CDC7: variants seen among roughly 807,000 people sequenced by gnomAD.
CDC7 encodes the protein cell division cycle 7, also known as cell division cycle 7-related protein kinase.
A neutral mutation model predicts 53.5 loss-of-function variants in CDC7; 34 were observed. The ratio of observed to expected loss-of-function variants is 0.64; its 90% confidence interval spans 0.48 to 0.85. The LOEUF (loss-of-function observed/expected upper bound fraction) is 0.85, where lower values mean the gene tolerates loss of function less well. CDC7 is among the 40% of genes least tolerant of loss of function. The pLI is 0.00. For synonymous variants in CDC7, 211 were observed against 222.8 expected (o/e 0.95, Z 0.47); for missense variants, 594 against 679.7 (o/e 0.87, Z 1.40).
chr1:91,515,217 T>C (rs563507757), intron 9 of CDC7, among the ~76,000 whole-genome samples: 5 of 152,372 alleles, frequency 3.3e-5, no homozygotes, highest in East Asian at 3.9e-4. Flanking sequence ...TTTGCTCTTA[T>C]ATGCAAATAA....
chr1:91,516,020 A>G, intron 10 of CDC7, 144 bp downstream of exon 10: 1 of 639,700 alleles, frequency 1.6e-6, no homozygotes, highest in Non-Finnish European at 2.6e-6. Context: ...TGGCATTCCT[A>G]TTTTTGAGCT....
chr1:91,513,334 C>T, intron 7 of CDC7, 27 bp downstream of exon 7: 1 of 1,592,266 alleles, frequency 6.3e-7, no homozygotes, highest in Non-Finnish European at 8.6e-7. Context: ...TTCTTAAGTA[C>T]CGACACTGTT....
chr1:91,501,409 C>A, intron 1 of CDC7: 1 of 301,164 alleles, frequency 3.3e-6, no homozygotes, highest in Non-Finnish European at 6.2e-6. Context: ...CGCCGTTTCC[C>A]ACTGCGCCTG....
At chr1:91,519,256 CAAAAAAA>C (rs71087957) in intron 10 of CDC7, among the ~76,000 whole-genome samples, 3 of 60,172 alleles carry the variant, frequency 5.0e-5, no homozygotes, top group African/African-American at 1.0e-4. Flanking sequence ...ACTAAAAATA[CAAAAAAA>C]AAAAAAAAAA....
rs546865871 is a variant in CDC7 at position 91,514,129 on chromosome 1, CAG to C, written c.918+88_918+89del. The C allele has an allele frequency of 7.6e-5, 63 of 825,396 alleles. No homozygotes were observed. In the African/African-American group the frequency reaches 9.5e-4, roughly 12 times the overall value. The allele number at this position is 825,396 out of a possible 1,614,324, so 51.1% of individuals were successfully genotyped here. On this transcript the variant is annotated intron_variant, in intron 8 of 11. Coordinates refer to ENST00000234626, the MANE Select transcript of CDC7 (RefSeq NM_003503.4). ...TAATAACTAGATTAACATTTATTAT[CAG>C]AAATTTTTTTAAACTAGAGTTTGGC...
intron 1 of CDC7, 117 bp downstream of exon 1, chr1:91,501,065 C>T (rs1666634902): frequency 6.6e-6 from 1 of 152,256 alleles, no homozygotes; most frequent in South Asian, 2.1e-4. Context: ...CCTTCGGATC[C>T]CTCCGACCTG....
At position 91,507,954 on chromosome 1, in the gene CDC7, C is replaced by A; in HGVS notation, c.199+17C>A. ...TTGGAGAAGGTAATCTGGGGATATGCTTTTACTATTTTTACGAGGTCTTTT... is the reference window on the plus strand; with the variant it reads ...TTGGAGAAGGTAATCTGGGGATATGATTTTACTATTTTTACGAGGTCTTTT... On this transcript the variant is annotated intron_variant, in intron 3 of 11. Coordinates refer to ENST00000234626, the MANE Select transcript of CDC7 (RefSeq NM_003503.4). 6.5e-7 allele frequency: 1 copy of A among 1,542,378 alleles called. No individual in the cohort carries two copies. The highest frequency in any genetic ancestry group is 8.7e-7 in the Non-Finnish European group (1 of 1,146,794).
At chr1:91,511,294 A>G (rs957969819) in intron 4 of CDC7, among the ~76,000 whole-genome samples, 4 of 152,090 alleles carry the variant, frequency 2.6e-5, no homozygotes, top group African/African-American at 4.8e-5. Context: ...TACTGTTACC[A>G]TCTTATCTGC....
chr1:91,503,702 GAAGTA>G (rs917915978), intron 2 of CDC7, among the ~76,000 whole-genome samples: 6 of 152,094 alleles, frequency 3.9e-5, no homozygotes, highest in African/African-American at 1.4e-4. Context: ...TGAAATTTTT[GAAGTA>G]AAGAAAGCCA....
chr1:91,521,079 G>C (rs980569555), intron 11 of CDC7, among the ~76,000 whole-genome samples: 8 of 152,172 alleles, frequency 5.3e-5, no homozygotes, highest in African/African-American at 1.9e-4. Context: ...ATACAATACA[G>C]AACACCTCAG....
At position 91,524,530 on chromosome 1, in the gene CDC7, A is replaced by T. The variant is rs1668161607; in HGVS notation, c.*95A>T. 1.1e-6 allele frequency: 1 copy of T among 924,442 alleles called. No individual in the cohort carries two copies. Among genetic ancestry groups the T allele is most frequent in the Admixed American group, 2.5e-5 (1 of 40,536 alleles). 57.3% of individuals were successfully genotyped at this position (924,442 alleles called of 1,614,324 possible). A position where few individuals can be genotyped will look rare whatever the true frequency, so the allele number is the denominator to read the frequency against. The stretch of plus-strand genomic sequence containing the variant: ...GTTCTTGTTTAGAGACCAGAGCAGG[A>T]TTAATAATTTATTTTAACATTTTAG... On this transcript the variant is annotated 3_prime_UTR_variant, in exon 12 of 12. Coordinates refer to ENST00000234626, the MANE Select transcript of CDC7 (RefSeq NM_003503.4).
chr1:91,515,321 A>C (rs1465864462), intron 9 of CDC7, among the ~76,000 whole-genome samples: 2 of 152,272 alleles, frequency 1.3e-5, no homozygotes, highest in African/African-American at 4.8e-5. Flanking sequence ...GCTTATGTGG[A>C]GTAACCAGAA....
Position 91,511,623 on chromosome 1 carries a change from A to T in CDC7, c.362A>T (p.Lys121Ile). 2 of 1,608,844 alleles carry T rather than the reference A, an allele frequency of 1.2e-6. No homozygotes were observed. Among genetic ancestry groups the T allele is most frequent in the Non-Finnish European group, 1.7e-6 (2 of 1,176,180 alleles). ...AGGQDNVMGVKYCFRKNDHVV... is the reference protein window; with the variant it reads ...AGGQDNVMGVIYCFRKNDHVV... The stretch of plus-strand genomic sequence containing the variant: ...GGGCAAGATAATGTCATGGGAGTTA[A>T]ATACTGCTTTAGGAAGAATGATCAT... Residue 121 changes from lysine (K) to isoleucine (I), a missense_variant, in exon 5 of 12, where the codon AAA (lysine) becomes ATA (isoleucine). Physicochemically the swap from Lys to Ile is moderately radical, Grantham distance 102 (BLOSUM62 -3). Transcript: ENST00000234626.
At chr1:91,523,952 C>A in intron 11 of CDC7, 89 bp from the exon 12 acceptor site, 1 of 963,030 alleles carries the variant, frequency 1.0e-6, no homozygotes, top group Non-Finnish European at 1.5e-6. Context: ...TATGTTTGAA[C>A]TTTCATGTTT....
chr1:91,521,598 A>G (rs1667951358), intron 11 of CDC7, among the ~76,000 whole-genome samples: 1 of 152,256 alleles, frequency 6.6e-6, no homozygotes, highest in African/African-American at 2.4e-5. Flanking sequence ...TAGAAATGGC[A>G]TTCTTACATA....
rs1011511050 is a variant in CDC7, at chr1:91,524,733, A to G, written c.*298A>G. Reference sequence around the variant, plus strand: ...ACCTTTCACTGACATATACAGAAAAAGGAGCAGTTTTAGTTTTAATTAATT... The same window carrying G: ...ACCTTTCACTGACATATACAGAAAAGGGAGCAGTTTTAGTTTTAATTAATT... On this transcript the variant is annotated 3_prime_UTR_variant, in exon 12 of 12. Transcript: ENST00000234626. The G allele has an allele frequency of 2.7e-5, 7 of 260,378 alleles. No homozygotes were observed. The highest frequency in any genetic ancestry group is 4.3e-5 in the Non-Finnish European group (6 of 138,956). 16.1% of individuals were successfully genotyped at this position (260,378 alleles called of 1,614,324 possible).
At chr1:91,501,107 C>G (rs547148264) in intron 1 of CDC7, 159 bp downstream of exon 1, 1 of 152,330 alleles carries the variant, frequency 6.6e-6, no homozygotes, top group South Asian at 2.1e-4. Flanking sequence ...GCGCACTAAG[C>G]ATCTGGTTCG....
intron 2 of CDC7, 80 bp downstream of exon 2, chr1:91,501,911 AT>A: frequency 1.0e-6 from 1 of 978,538 alleles, no homozygotes; most frequent in South Asian, 1.3e-5. Flanking sequence ...CTCTCAAAAA[AT>A]AAGATTGAAT....
chr1:91,518,360 A>G (rs1176927461), intron 10 of CDC7, among the ~76,000 whole-genome samples: 1 of 152,182 alleles, frequency 6.6e-6, no homozygotes, highest in Non-Finnish European at 1.5e-5. Context: ...TAGAGCTACT[A>G]CATGATCCAA....
Sources: gnomAD v4.1 joint callset for allele counts (sites outside exome capture counted in the v4.1 genomes callset) on GRCh38, gnomAD v4.1.1 for gene constraint, MANE v1.5 for transcripts, NCBI Gene and HGNC (gene_info 2026-07-23, HGNC 2026-07-21) for gene names.